Variants in ADK observed in about 807,000 individuals in gnomAD.
ADK encodes N6,N6-dimethyladenosine kinase.
ADK carries 24 observed loss-of-function variants against 44.7 expected under a neutral mutation model. That is an observed-to-expected ratio of 0.54 (90% CI 0.39 to 0.76). The LOEUF (loss-of-function observed/expected upper bound fraction) is 0.76, where lower values mean the gene tolerates loss of function less well. ADK is among the 30% of genes least tolerant of loss of function. The pLI, the probability that ADK is intolerant of heterozygous loss-of-function variation, is 0.00. For missense variants in ADK, 321 were observed against 425.1 expected, an observed-to-expected ratio of 0.76 and a Z score of 2.15; for synonymous variants, 128 against 142.6, an observed-to-expected ratio of 0.90 and a Z score of 0.73.
chr10:74,546,343 C>T (rs1849818113), intron 7 of ADK, among the ~76,000 whole-genome samples: 1 of 152,116 alleles, frequency 6.6e-6, no homozygotes, highest in African/African-American at 2.4e-5. Flanking sequence ...GCAGTAATTA[C>T]TGTGTGGCAT....
chr10:74,331,442 A>G (rs1049331614), intron 4 of ADK, among the ~76,000 whole-genome samples: 8 of 152,228 alleles, frequency 5.3e-5, no homozygotes, highest in African/African-American at 1.9e-4. Context: ...ATAATAAAAT[A>G]GAATCAGTGG....
At chr10:74,562,210 G>GT (rs1042784216) in intron 7 of ADK, among the ~76,000 whole-genome samples, 1 of 152,110 alleles carries the variant, frequency 6.6e-6, no homozygotes, top group Non-Finnish European at 1.5e-5. Flanking sequence ...CATTAGTCAT[G>GT]TTTTTTTCTT....
intron 6 of ADK, among the ~76,000 whole-genome samples, chr10:74,512,402 C>CTTTTTTTTTTT (rs36119808): frequency 7.8e-6 from 1 of 128,542 alleles, no homozygotes; most frequent in African/African-American, 2.9e-5. Context: ...CAGTTCTGGA[C>CTTTTTTTTTTT]TTTTTTTTTT....
intron 7 of ADK, among the ~76,000 whole-genome samples, chr10:74,555,942 T>A (rs1025494674): frequency 6.6e-6 from 1 of 152,188 alleles, no homozygotes; most frequent in African/African-American, 2.4e-5. Context: ...CATTCTTGTG[T>A]CACATGAGAC....
intron 6 of ADK, among the ~76,000 whole-genome samples, chr10:74,504,339 A>G (rs933145661): frequency 2.0e-5 from 3 of 152,018 alleles, no homozygotes; most frequent in Admixed American, 1.3e-4. Context: ...TTCCATAAGC[A>G]TACATATTCA....
At chr10:74,623,402 A>T (rs1450602869) in intron 9 of ADK, among the ~76,000 whole-genome samples, 1 of 152,148 alleles carries the variant, frequency 6.6e-6, no homozygotes, top group Admixed American at 6.5e-5. Flanking sequence ...AGGCTTTAGT[A>T]GGATAAAGCA....
chr10:74,434,898 G>A (rs906736880), intron 6 of ADK, among the ~76,000 whole-genome samples: 8 of 152,280 alleles, frequency 5.3e-5, no homozygotes, highest in Middle Eastern at 6.8e-3. Flanking sequence ...GGGAATGGAT[G>A]ACTTTGAATG....
chr10:74,330,173 C>G (rs1160028880), intron 4 of ADK, among the ~76,000 whole-genome samples: 1 of 151,972 alleles, frequency 6.6e-6, no homozygotes, highest in African/African-American at 2.4e-5. Flanking sequence ...GTCTCAAAAC[C>G]AAATAATAAT....
chr10:74,345,100 GT>G (rs1197163883), intron 4 of ADK, among the ~76,000 whole-genome samples: 1 of 152,166 alleles, frequency 6.6e-6, no homozygotes, highest in Non-Finnish European at 1.5e-5. Flanking sequence ...TTCTTTGTGG[GT>G]AGTTTCTTGA....
At chr10:74,412,843 A>G (rs1030560307) in intron 6 of ADK, among the ~76,000 whole-genome samples, 3 of 152,154 alleles carry the variant, frequency 2.0e-5, no homozygotes, top group African/African-American at 7.2e-5. Context: ...GGATCACCTG[A>G]GGTCAGGAAT....
intron 6 of ADK, among the ~76,000 whole-genome samples, chr10:74,470,067 C>A (rs1846509110): frequency 6.7e-6 from 1 of 149,792 alleles, no homozygotes; most frequent in Admixed American, 6.7e-5. Context: ...CTGTGTCACC[C>A]AGGCTGGAAT....
Position 74,600,375 on chromosome 10 carries a change from ATAGAC to A in ADK, c.763-1_766del. 1 of 1,598,568 alleles carries A rather than the reference ATAGAC, an allele frequency of 6.3e-7. No individual in the cohort carries two copies. Among genetic ancestry groups the A allele is most frequent in the Non-Finnish European group, 8.6e-7 (1 of 1,169,004 alleles). On this transcript the variant is annotated splice_acceptor_variant and splice_polypyrimidine_tract_variant and coding_sequence_variant and intron_variant, in exon 9 of 11. Transcript: ENST00000539909. LOFTEE classifies it high-confidence loss of function. ...GAGAATTTTTTCCTTCCTTCTATTA[ATAGAC>A]TAAAGACATTAAAGAGATAGCCAAA...
chr10:74,555,926 G>A (rs1334500662), intron 7 of ADK, among the ~76,000 whole-genome samples: 3 of 152,080 alleles, frequency 2.0e-5, no homozygotes, highest in South Asian at 2.1e-4. Context: ...CATCTGAGAC[G>A]CCATTCATTC....
At chr10:74,668,644 G>T (rs1316509769) in intron 9 of ADK, among the ~76,000 whole-genome samples, 1 of 152,248 alleles carries the variant, frequency 6.6e-6, no homozygotes, top group Non-Finnish European at 1.5e-5. Context: ...GCTGAGGCAG[G>T]AGAATTACTT....
rs541727814 is a variant in ADK, at chr10:74,708,552, A to G, written c.*107A>G. Reference sequence around the variant, plus strand: ...AAATTATCTGCCATTTTTTCCTACTATAATAATGCTGAATCTTAATTTAGA... The same window carrying G: ...AAATTATCTGCCATTTTTTCCTACTGTAATAATGCTGAATCTTAATTTAGA... On this transcript the variant is annotated 3_prime_UTR_variant, in exon 11 of 11. Coordinates refer to ENST00000539909, the MANE Select transcript of ADK (RefSeq NM_006721.4). 4 of 1,277,726 alleles carry G rather than the reference A, an allele frequency of 3.1e-6. No homozygotes were observed. Among genetic ancestry groups the G allele is most frequent in the Non-Finnish European group, 4.4e-6 (4 of 918,314 alleles). 79.1% of individuals were successfully genotyped at this position (1,277,726 alleles called of 1,614,324 possible).
At position 74,567,679 on chromosome 10, in the gene ADK, CTGTTTTTTTTGTTTTTTT is replaced by C. The variant is rs1358334021; in HGVS notation, c.727-21592_727-21575del. ...CCCATTTCTTTTGTTCTCTCTCTCT[CTGTTTTTTTTGTTTTTTT>C]TGTTTTTTTTTTTTTTTTTGAGATG... On this transcript the variant is annotated intron_variant, in intron 7 of 10. Transcript: ENST00000539909. Among the ~76,000 whole-genome samples, 1,431 of 146,320 alleles carry C rather than the reference CTGTTTTTTTTGTTTTTTT, an allele frequency of 9.8e-3. 28 individuals are homozygous for C. Among genetic ancestry groups the C allele is most frequent in the African/African-American group, 0.035 (1,331 of 38,236 alleles).
chr10:74,413,705 T>C (rs1233139404), intron 6 of ADK, among the ~76,000 whole-genome samples: 2 of 152,258 alleles, frequency 1.3e-5, no homozygotes, highest in African/African-American at 4.8e-5. Flanking sequence ...TTTAATTTTC[T>C]TCAAGAACTT....
chr10:74,199,523 CTTT>C (rs1405467815), intron 1 of ADK, among the ~76,000 whole-genome samples: 1 of 151,980 alleles, frequency 6.6e-6, no homozygotes, highest in Non-Finnish European at 1.5e-5. Context: ...TGATTTCGTT[CTTT>C]TTTTATGGCT....
intron 7 of ADK, among the ~76,000 whole-genome samples, chr10:74,574,127 C>T (rs1433398904): frequency 2.6e-5 from 4 of 151,406 alleles, no homozygotes; most frequent in Non-Finnish European, 4.4e-5. Flanking sequence ...TAGACTGGAG[C>T]TGTTCCCATT....
Sources: allele counts gnomAD v4.1 joint callset (sites outside exome capture counted in the v4.1 genomes callset), GRCh38; gene constraint gnomAD v4.1.1; transcripts MANE v1.5; gene names NCBI Gene and HGNC (gene_info 2026-07-23, HGNC 2026-07-21).